Variants in CSMD1 observed in about 807,000 individuals in gnomAD.
CSMD1 encodes the protein CUB and sushi domain-containing protein 1.
A neutral mutation model predicts 417.5 loss-of-function variants in CSMD1; 213 were observed. The ratio of observed to expected loss-of-function variants is 0.51; its 90% CI spans 0.46 to 0.57. The LOEUF is 0.57. Ranked by LOEUF, CSMD1 falls within the 20% of genes least tolerant of loss-of-function variation. The pLI is 0.00. For missense variants in CSMD1, 6,923 were observed against 4,529.7 expected (o/e 1.53, Z -15.17); for synonymous variants, 2,862 against 1,736.8 (o/e 1.65, Z -16.11).
chr8:4,241,040 C>G (rs764581790), intron 3 of CSMD1, among the ~76,000 whole-genome samples: 12 of 152,162 alleles, frequency 7.9e-5, no homozygotes, highest in South Asian at 2.1e-4. Flanking sequence ...ATTTCTTAGT[C>G]TTTTAATGAA....
chr8:3,971,575 A>C (rs772922087), intron 5 of CSMD1, among the ~76,000 whole-genome samples: 1 of 152,182 alleles, frequency 6.6e-6, no homozygotes, highest in African/African-American at 2.4e-5. Flanking sequence ...AATTAATACC[A>C]TAATTTTGTA....
intron 5 of CSMD1, among the ~76,000 whole-genome samples, chr8:3,896,052 T>A (rs563887322): frequency 2.0e-5 from 3 of 152,234 alleles, no homozygotes; most frequent in African/African-American, 4.8e-5. Context: ...TGCGGAGCGC[T>A]GGACTCATGT....
chr8:4,294,704 G>C (rs1036823021), intron 3 of CSMD1, among the ~76,000 whole-genome samples: 3 of 152,086 alleles, frequency 2.0e-5, no homozygotes, highest in South Asian at 2.1e-4. Context: ...ATCTATTTTA[G>C]CTTCTCTTCT....
intron 17 of CSMD1, 91 bp downstream of exon 17, chr8:3,396,103 C>A: frequency 8.3e-6 from 9 of 1,087,220 alleles, no homozygotes; most frequent in Non-Finnish European, 1.2e-5. Flanking sequence ...TAAACTAGCA[C>A]AGTCATCTGC....
chr8:3,564,237 A>AT (rs1238417615), intron 10 of CSMD1, among the ~76,000 whole-genome samples: 4 of 152,174 alleles, frequency 2.6e-5, no homozygotes, highest in African/African-American at 7.2e-5. Flanking sequence ...GAATACTAGA[A>AT]TTTTTTCCTT....
chr8:4,151,269 T>C (rs1045227969), intron 3 of CSMD1, among the ~76,000 whole-genome samples: 3 of 152,194 alleles, frequency 2.0e-5, no homozygotes, highest in African/African-American at 7.2e-5. Context: ...TTCAGACTAC[T>C]TTAGACCATG....
intron 12 of CSMD1, among the ~76,000 whole-genome samples, chr8:3,456,639 G>C (rs148387836): frequency 5.3e-5 from 8 of 152,254 alleles, no homozygotes; most frequent in African/African-American, 1.4e-4. Context: ...CCTAGTGGAC[G>C]TGTTTCAGTA....
At chr8:3,181,486 G>A (rs1328373495) in intron 36 of CSMD1, among the ~76,000 whole-genome samples, 1 of 152,036 alleles carries the variant, frequency 6.6e-6, no homozygotes, top group Admixed American at 6.6e-5. Context: ...AGGTTTTTTT[G>A]CATTGTTTTA....
At chr8:3,287,061 C>A (rs1359653606) in intron 25 of CSMD1, among the ~76,000 whole-genome samples, 1 of 152,048 alleles carries the variant, frequency 6.6e-6, no homozygotes, top group African/African-American at 2.4e-5. Context: ...GTTTTCCCAG[C>A]ACCATTTATT....
intron 10 of CSMD1, among the ~76,000 whole-genome samples, chr8:3,504,371 G>A (rs1019955620): frequency 3.9e-5 from 6 of 152,148 alleles, no homozygotes; most frequent in Admixed American, 6.5e-5. Flanking sequence ...TGTCTTATCC[G>A]TAAAATGAGA....
intron 65 of CSMD1, among the ~76,000 whole-genome samples, chr8:2,952,690 AT>A (rs1802716483): frequency 9.3e-6 from 1 of 107,274 alleles, no homozygotes; most frequent in Non-Finnish European, 2.0e-5. Context: ...CATAAAAAAT[AT>A]CTTCCCTAAT....
chr8:3,712,223 C>A (rs73185367), intron 6 of CSMD1, among the ~76,000 whole-genome samples: 50,010 of 151,764 alleles, frequency 0.33, 8,443 homozygotes, highest in East Asian at 0.49. Flanking sequence ...GGGAAGGTGA[C>A]TTGTGGGTCC....
At chr8:3,331,925 G>C (rs1339897406) in intron 23 of CSMD1, among the ~76,000 whole-genome samples, 1 of 152,120 alleles carries the variant, frequency 6.6e-6, no homozygotes, top group African/African-American at 2.4e-5. Flanking sequence ...TTGTTGACAG[G>C]TGACTGATAA....
chr8:4,448,219 T>G (rs921286572), intron 2 of CSMD1, among the ~76,000 whole-genome samples: 1 of 152,224 alleles, frequency 6.6e-6, no homozygotes, highest in Admixed American at 6.5e-5. Flanking sequence ...AAAATATTTT[T>G]CATCTTTATT....
At chr8:4,693,700 A>C (rs1213084477) in intron 1 of CSMD1, among the ~76,000 whole-genome samples, 4 of 152,010 alleles carry the variant, frequency 2.6e-5, no homozygotes, top group African/African-American at 9.7e-5. Context: ...AGGTCTCCCT[A>C]CGCTTCCCAG....
At chr8:4,263,119 G>C (rs1018629305) in intron 3 of CSMD1, among the ~76,000 whole-genome samples, 2 of 152,042 alleles carry the variant, frequency 1.3e-5, no homozygotes, top group South Asian at 4.1e-4. Context: ...TTTCTTGTGG[G>C]TGATATCACT....
intron 12 of CSMD1, among the ~76,000 whole-genome samples, chr8:3,434,791 T>G (rs571750809): frequency 6.6e-6 from 1 of 152,294 alleles, no homozygotes; most frequent in South Asian, 2.1e-4. Flanking sequence ...GAACAGACAG[T>G]TCCTTACACT....
intron 3 of CSMD1, among the ~76,000 whole-genome samples, chr8:4,390,651 C>G (rs1450461781): frequency 2.6e-5 from 4 of 151,708 alleles, no homozygotes; most frequent in African/African-American, 7.3e-5. Context: ...GGAGCTGGGA[C>G]GACAGGCACC....
chr8:4,603,241 C>T (rs1800690115), intron 2 of CSMD1, among the ~76,000 whole-genome samples: 1 of 151,986 alleles, frequency 6.6e-6, no homozygotes, highest in African/African-American at 2.4e-5. Context: ...TTTCTTGAAC[C>T]ATGACCTGCT....
Sources: gnomAD v4.1 joint callset for allele counts (sites outside exome capture counted in the v4.1 genomes callset) on GRCh38, gnomAD v4.1.1 for gene constraint, MANE v1.5 for transcripts, NCBI Gene and HGNC (gene_info 2026-07-23, HGNC 2026-07-21) for gene names.